OR52A5: variants seen among roughly 807,000 people sequenced by gnomAD.
The protein encoded by OR52A5 is olfactory receptor family 52 subfamily A member 5.
In OR52A5, 16 loss-of-function variants were observed where a neutral mutation model predicts 18.2. That is an observed-to-expected ratio of 0.88 (90% CI 0.60 to 1.34). The LOEUF is 1.34. Ranked by LOEUF, OR52A5 falls within the 40% of genes most tolerant of loss-of-function variation. The pLI, the probability that OR52A5 is intolerant of heterozygous loss-of-function variation, is 0.00. For synonymous variants in OR52A5, 140 were observed against 137.2 expected, an observed-to-expected ratio of 1.02 and a Z score of -0.14; for missense variants, 418 against 383.0, an observed-to-expected ratio of 1.09 and a Z score of -0.76.
rs550258009 is a variant in OR52A5 at position 5,133,283 on chromosome 11, G to A, written c.-60-581C>T. On this transcript the variant is annotated intron_variant, in intron 1 of 1. Coordinates refer to ENST00000307388, the MANE Select transcript of OR52A5 (RefSeq NM_001005160.3). ...CTTGGGAGGCTGAGGCAGGAGAATG[G>A]CATGAACCCGGGAGGCAGAGCTTGC... Among the ~76,000 whole-genome samples the A allele has an allele frequency of 3.4e-5, 5 of 148,038 alleles. No individual in the cohort carries two copies. In the South Asian group the frequency reaches 1.1e-3, roughly 31 times the overall value.
rs1846348097 is a variant in OR52A5 at position 5,132,305 on chromosome 11, T to G, written c.338A>C (p.Glu113Ala). Residue 113 changes from glutamate to alanine, a missense_variant, in exon 2 of 2, where the codon GAA becomes GCA. Glu to Ala is a moderately radical substitution (Grantham distance 107). Coordinates refer to ENST00000307388, the MANE Select transcript of OR52A5 (RefSeq NM_001005160.3). ...MWLIHSFQAI[E>A]SGILLAMALD... Reference sequence around the variant, plus strand: ...GGCCATTGCCAGAAGGATACCCGATTCAATTGCCTGGAATGAGTGAATAAG... The same window carrying G: ...GGCCATTGCCAGAAGGATACCCGATGCAATTGCCTGGAATGAGTGAATAAG... 3 of 1,614,230 alleles carry G rather than the reference T, an allele frequency of 1.9e-6. No homozygotes were observed. Among genetic ancestry groups the G allele is most frequent in the Non-Finnish European group, 2.5e-6 (3 of 1,180,040 alleles).
At chr11:5,134,265 G>A (rs990607699) in intron 1 of OR52A5, among the ~76,000 whole-genome samples, 2 of 152,164 alleles carry the variant, frequency 1.3e-5, no homozygotes, top group Non-Finnish European at 2.9e-5. Flanking sequence ...AATAGATAAA[G>A]ATAGTAGTGG....
intron 1 of OR52A5, among the ~76,000 whole-genome samples, chr11:5,133,712 C>T (rs1341641743): frequency 6.6e-6 from 1 of 152,108 alleles, no homozygotes; most frequent in East Asian, 1.9e-4. Context: ...GCCATGTGCA[C>T]ATCTCTTGTA....
At chr11:5,132,946 T>C (rs1322846058) in intron 1 of OR52A5, among the ~76,000 whole-genome samples, 1 of 152,190 alleles carries the variant, frequency 6.6e-6, no homozygotes. Flanking sequence ...GGATCAACAA[T>C]ATTTTATGTT....
chr11:5,132,446 G>A lies in OR52A5; in HGVS notation c.197C>T (p.Ala66Val), dbSNP rs766512879. The A allele has an allele frequency of 6.2e-7, 1 of 1,613,770 alleles. No individual in the cohort carries two copies. Among genetic ancestry groups the A allele is most frequent in the East Asian group, 2.2e-5 (1 of 44,876 alleles). ...SLHIPMYIFL[A>V]MLAATDIALN... The stretch of plus-strand genomic sequence containing the variant: ...TGCAATGTCTGTGGCTGCCAACATG[G>A]CCAAAAAAATGTACATGGGTATATG... Residue 66 changes from alanine (A) to valine (V), a missense_variant, in exon 2 of 2, where the codon GCC (alanine) becomes GTC (valine). Ala to Val is a moderately conservative substitution (Grantham distance 64). Coordinates refer to ENST00000307388, the MANE Select transcript of OR52A5 (RefSeq NM_001005160.3).
At chr11:5,134,644 AAT>A (rs1333943444) in intron 1 of OR52A5, among the ~76,000 whole-genome samples, 1 of 151,568 alleles carries the variant, frequency 6.6e-6, no homozygotes, top group Non-Finnish European at 1.5e-5. Context: ...CCATTTATTA[AAT>A]ATGTGTTAAA....
chr11:5,134,846 T>C (rs1846376549), intron 1 of OR52A5, among the ~76,000 whole-genome samples: 1 of 152,064 alleles, frequency 6.6e-6, no homozygotes, highest in Non-Finnish European at 1.5e-5. Flanking sequence ...GAACAAAATA[T>C]GCAAATTTCT....
rs1001734666 is a variant in OR52A5, at chr11:5,131,427, A to G, written c.*265T>C. On this transcript the variant is annotated 3_prime_UTR_variant, in exon 2 of 2. Coordinates refer to ENST00000307388, the MANE Select transcript of OR52A5 (RefSeq NM_001005160.3). ...TGTTTATAGTCATTGGTTGCATTAC[A>G]TAAGTTTTATGTTGTAGATATCGGT... 5.2e-5 allele frequency: 12 copies of G among 231,154 alleles called. No individual in the cohort carries two copies. The highest frequency in any genetic ancestry group is 1.5e-4 in the Admixed American group (3 of 19,864). 14.3% of individuals were successfully genotyped at this position (231,154 alleles called of 1,614,324 possible).
chr11:5,132,620 A>G lies in OR52A5; in HGVS notation c.23T>C (p.Val8Ala), dbSNP rs775643776. 1.3e-6 allele frequency: 2 copies of G among 1,597,130 alleles called. No homozygotes were observed. The highest frequency in any genetic ancestry group is 4.5e-5 in the East Asian group (2 of 44,698). MPTFNGS[V>A]FMPSAFILIG... ...TAGTATAAACGCAGAGGGCATGAAG[A>G]CTGAGCCATTGAATGTCGGCATGAT... The change falls in exon 2 of 2, where the codon GTC becomes GCC. Residue 8 changes from valine to alanine, a missense_variant. Val to Ala is a moderately conservative substitution (Grantham distance 64, BLOSUM62 0). Coordinates refer to ENST00000307388, the MANE Select transcript of OR52A5 (RefSeq NM_001005160.3).
At chr11:5,133,032 G>A (rs1469292462) in intron 1 of OR52A5, among the ~76,000 whole-genome samples, 2 of 152,084 alleles carry the variant, frequency 1.3e-5, no homozygotes, top group African/African-American at 4.8e-5. Context: ...TTAATGCAGA[G>A]CAAAGAATTT....
At chr11:5,137,185 C>G (rs1464526992) in intron 1 of OR52A5, among the ~76,000 whole-genome samples, 1 of 152,210 alleles carries the variant, frequency 6.6e-6, no homozygotes, top group Non-Finnish European at 1.5e-5. Context: ...GCCTGGGGAA[C>G]AACTTTGTTT....
chr11:5,133,748 C>G (rs1021790981), intron 1 of OR52A5, among the ~76,000 whole-genome samples: 1 of 152,120 alleles, frequency 6.6e-6, no homozygotes, highest in Non-Finnish European at 1.5e-5. Flanking sequence ...AACATATACC[C>G]TCTAATTTTC....
At position 5,133,005 on chromosome 11, in the gene OR52A5, T is replaced by TAA. The variant is rs72219241; in HGVS notation, c.-60-305_-60-304dup. 4.0e-4 allele frequency among the ~76,000 whole-genome samples: 60 copies of TAA among 150,196 alleles called. 1 individual carries two copies. Among genetic ancestry groups the TAA allele is most frequent in the African/African-American group, 1.1e-3 (47 of 40,964 alleles). ...TTCTTTGACTTACCAATTGAAATTGTAAAAAAAAAATATTATTTAATGCAG... is the reference window on the plus strand; with the variant it reads ...TTCTTTGACTTACCAATTGAAATTGTAAAAAAAAAAAATATTATTTAATGCAG... On this transcript the variant is annotated intron_variant, in intron 1 of 1. Transcript: ENST00000307388.
chr11:5,132,224 TG>T lies in OR52A5; in HGVS notation c.418del (p.Gln140SerfsTer4), dbSNP rs1846346134. 6.2e-7 allele frequency: 1 copy of T among 1,613,898 alleles called. No individual in the cohort carries two copies. Among genetic ancestry groups the T allele is most frequent in the Admixed American group, 1.7e-5 (1 of 59,964 alleles). On this transcript the variant is annotated frameshift_variant, in exon 2 of 2. Coordinates refer to ENST00000307388, the MANE Select transcript of OR52A5 (RefSeq NM_001005160.3). LOFTEE classifies it high-confidence loss of function. The stretch of plus-strand genomic sequence containing the variant: ...AAGTCCAATATGAGTTAAGAACTGC[TG>T]GGAAAAGATGGTGGCATGTCTCAAG... ...IPLRHATIFS[Q>X]QFLTHIGLGV...
intron 1 of OR52A5, among the ~76,000 whole-genome samples, chr11:5,133,923 T>C (rs1846368453): frequency 6.6e-6 from 1 of 152,170 alleles, no homozygotes; most frequent in Non-Finnish European, 1.5e-5. Flanking sequence ...ATTATTTATA[T>C]AAAGGTGAAG....
rs938261439 is a variant in OR52A5 at position 5,137,507 on chromosome 11, CCT to C, written c.-61+802_-61+803del. ...CCTTCCCATGACAGAAAACTCTCTC[CCT>C]CTCTCTCTTTTTTTTTTTTTCGGAG... On this transcript the variant is annotated intron_variant, in intron 1 of 1. Coordinates refer to ENST00000307388, the MANE Select transcript of OR52A5 (RefSeq NM_001005160.3). Among the ~76,000 whole-genome samples the C allele has an allele frequency of 2.7e-4, 41 of 152,034 alleles. 1 individual carries two copies. The highest frequency in any genetic ancestry group is 7.9e-4 in the Admixed American group (12 of 15,260).
intron 1 of OR52A5, among the ~76,000 whole-genome samples, chr11:5,134,970 C>T (rs1038137195): frequency 1.3e-5 from 2 of 152,148 alleles, no homozygotes; most frequent in African/African-American, 2.4e-5. Context: ...CCCGGGTTCA[C>T]GCCATTCTCC....
At position 5,129,320 on chromosome 11, in the gene OR52A5, C is replaced by T. The variant is rs1846313257; in HGVS notation, c.*2372G>A. ...AGTCTCTGAGGCTCGTATTGTTAGCCCCATTGTAGAGAAGAGGAAATAACA... is the reference window on the plus strand; with the variant it reads ...AGTCTCTGAGGCTCGTATTGTTAGCTCCATTGTAGAGAAGAGGAAATAACA... On this transcript the variant is annotated 3_prime_UTR_variant, in exon 2 of 2. Transcript: ENST00000307388. 6.6e-6 allele frequency: 1 copy of T among 151,940 alleles called. No homozygotes were observed. The highest frequency in any genetic ancestry group is 1.5e-5 in the Non-Finnish European group (1 of 67,986). The allele number at this position is 151,940 out of a possible 1,614,324, so 9.4% of individuals were successfully genotyped here.
rs1431157575 is a variant in OR52A5, at chr11:5,130,860, G to C, written c.*832C>G. 2 of 152,038 alleles carry C rather than the reference G, an allele frequency of 1.3e-5. No individual in the cohort carries two copies. Among genetic ancestry groups the C allele is most frequent in the South Asian group, 4.1e-4 (2 of 4,832 alleles). 9.4% of individuals were successfully genotyped at this position (152,038 alleles called of 1,614,324 possible). On this transcript the variant is annotated 3_prime_UTR_variant, in exon 2 of 2. Transcript: ENST00000307388. ...AGTCTTGACTAAAGTCCTTATTCAG[G>C]AGGTGGTTTCTTATATGCCAGTTCT... is the stretch of plus-strand genomic sequence containing the variant.
Sources: allele counts gnomAD v4.1 joint callset (sites outside exome capture counted in the v4.1 genomes callset), GRCh38; gene constraint gnomAD v4.1.1; transcripts MANE v1.5; gene names NCBI Gene and HGNC (gene_info 2026-07-23, HGNC 2026-07-21).